IGSF1: variants seen among roughly 807,000 people sequenced by gnomAD.
IGSF1 encodes the protein immunoglobulin-like domain-containing protein 1.
A neutral mutation model predicts 95.3 loss-of-function variants in IGSF1; 40 were observed. The observed-to-expected ratio is 0.42, with a 90% CI of 0.33 to 0.55. The LOEUF (loss-of-function observed/expected upper bound fraction) is 0.55. Ranked by LOEUF, IGSF1 falls within the 20% of genes least tolerant of loss-of-function variation. The pLI is 0.10. For synonymous variants in IGSF1, 372 were observed against 382.9 expected, an observed-to-expected ratio of 0.97 and a Z score of 0.33; for missense variants, 906 against 1,025.4, an observed-to-expected ratio of 0.88 and a Z score of 1.59.
At chrX:131,281,624 TG>T in intron 8 of IGSF1, 41 bp downstream of exon 8, 2 of 1,172,906 alleles carry the variant, frequency 1.7e-6, no homozygotes, top group Non-Finnish European at 2.3e-6. Context: ...CTGGGATCCC[TG>T]GGGTATGGAG....
In IGSF1 at chrX:131,279,259, A is replaced by ACTTGTACTCACCACAG; in HGVS notation, c.1713_1717+11dup. The ACTTGTACTCACCACAG allele has an allele frequency of 8.3e-7, 1 of 1,208,922 alleles. No individual in the cohort carries two copies. Among genetic ancestry groups the ACTTGTACTCACCACAG allele is most frequent in the Non-Finnish European group, 1.1e-6 (1 of 893,879 alleles). On this transcript the variant is annotated intron_variant, in intron 10 of 19. Transcript: ENST00000361420. ...CCTTCTGCCCGGGGCCCCTTCCCCC[A>ACTTGTACTCACCACAG]CTTGTACTCACCACAGCAGAGAAGG...
In IGSF1 at chrX:131,278,630, C is replaced by A. The variant is rs1165068859; in HGVS notation, c.1872G>T (p.Leu624Phe). ...CGATCCACCCGGTCCCATCCTTCAG[C>A]AACACAAACTCCTTAGTTGAGCCAG... ...SPSGSTKEFV[L>F]LKDGTGWIAT... Residue 624 changes from leucine (L) to phenylalanine (F), a missense_variant, in exon 12 of 20, where the codon TTG (leucine) becomes TTT (phenylalanine). Physicochemically the swap from Leu to Phe is conservative, Grantham distance 22. This residue lies in a region of IGSF1 where 40 missense variants were observed against 33.4 expected (regional missense o/e 1.20). Transcript: ENST00000361420. 1 of 1,209,950 alleles carries A rather than the reference C, an allele frequency of 8.3e-7. No individual in the cohort carries two copies. The highest frequency in any genetic ancestry group is 1.7e-5 in the African/African-American group (1 of 57,194).
chrX:131,286,439 A>T lies in IGSF1; in HGVS notation c.95T>A (p.Ile32Lys). Reference sequence around the variant, plus strand: ...CTGAGAGGGCAGGACTCACTTACCTATTGATGTCATACCCAGACTCATCCC... The same window carrying T: ...CTGAGAGGGCAGGACTCACTTACCTTTTGATGTCATACCCAGACTCATCCC... ...CIRMSLGMTS[I>K]VMDPQPELWI... The change falls in exon 3 of 20, where the codon ATA (isoleucine) becomes AAA (lysine). Residue 32 changes from isoleucine (I) to lysine (K), a missense_variant and splice_region_variant. Ile to Lys is a moderately radical substitution (Grantham distance 102). Around this residue, in one of 5 missense-constraint regions of IGSF1, gnomAD observed 442 missense variants for 448.1 expected, o/e 0.99. Transcript: ENST00000361420. 8.3e-7 allele frequency: 1 copy of T among 1,198,616 alleles called. No homozygotes were observed. Among genetic ancestry groups the T allele is most frequent in the South Asian group, 1.8e-5 (1 of 56,652 alleles).
intron 5 of IGSF1, chrX:131,284,245 T>C (rs889656462): frequency 5.4e-5 from 13 of 239,484 alleles, no homozygotes; most frequent in African/African-American, 3.9e-4. Context: ...AACAACCCTG[T>C]GAGGTAGGCA....
At position 131,275,648 on chromosome X, in the gene IGSF1, T is replaced by C. The variant is rs2080464372; in HGVS notation, c.3014A>G (p.Glu1005Gly). Residue 1005 changes from glutamate to glycine, a missense_variant, in exon 16 of 20, where the codon GAA (glutamate) becomes GGA (glycine). By Grantham distance (98) the Glu-to-Gly change is moderately conservative (BLOSUM62 -2). Around this residue, in one of 5 missense-constraint regions of IGSF1, gnomAD observed 411 missense variants for 494.9 expected, o/e 0.83. Coordinates refer to ENST00000361420, the MANE Select transcript of IGSF1 (RefSeq NM_001555.5). ...VHGVGYILHK[E>G]GEATSMQLWG... ...GAGCTGCATTGAAGTGGCTTCTCCTTCTTTGTGCAGAATGTATCCTACTCC... is the reference window on the plus strand; with the variant it reads ...GAGCTGCATTGAAGTGGCTTCTCCTCCTTTGTGCAGAATGTATCCTACTCC... The C allele has an allele frequency of 3.3e-6, 4 of 1,209,605 alleles. No individual in the cohort carries two copies. The highest frequency in any genetic ancestry group is 4.5e-6 in the Non-Finnish European group (4 of 894,992).
Position 131,278,353 on chromosome X carries a change from C to T in IGSF1, c.2041+108G>A, listed in dbSNP as rs775810049. ...CTCCTCTCCTACATGCAGCACGAGC[C>T]CCTTGGGCTCCAGGGTCCCTGTGAG... On this transcript the variant is annotated intron_variant, in intron 12 of 19. Transcript: ENST00000361420. 7.6e-6 allele frequency: 6 copies of T among 789,768 alleles called. No individual in the cohort carries two copies. In the African/African-American group the frequency reaches 8.5e-5, roughly 11 times the overall value. The allele number at this position is 789,768 out of a possible 1,213,427, so 65.1% of individuals were successfully genotyped here.
chrX:131,279,704 G>C (rs1332087647), intron 9 of IGSF1, among the ~76,000 whole-genome samples: 2 of 110,946 alleles, frequency 1.8e-5, no homozygotes, highest in Non-Finnish European at 3.8e-5. Flanking sequence ...CATTGTGATC[G>C]GCAGCTCTGG....
rs753406789 is a variant in IGSF1 at position 131,275,416 on chromosome X, T to C, written c.3184+62A>G. On this transcript the variant is annotated intron_variant, in intron 16 of 19. Transcript: ENST00000361420. ...CGAGCTCTCTGAAAACTATCTCCCA[T>C]GAACTAGTCTATTCCCTCCTTTCTA... 1.9e-5 allele frequency: 22 copies of C among 1,150,381 alleles called. No individual in the cohort carries two copies. In the African/African-American group the frequency reaches 3.6e-4, roughly 19 times the overall value. 94.8% of individuals were successfully genotyped at this position (1,150,381 alleles called of 1,213,427 possible).
chrX:131,281,640 A>G, intron 8 of IGSF1, 26 bp downstream of exon 8: 1 of 1,193,067 alleles, frequency 8.4e-7, no homozygotes, highest in Admixed American at 2.2e-5. Flanking sequence ...ATGGAGGGGC[A>G]TTCCTCTGAA....
In IGSF1 at chrX:131,278,690, C is replaced by T. The variant is rs780114018; in HGVS notation, c.1812G>A (p.Pro604=). ...TGCACCAGAGGGTTAAGTTCTTCCA[C>T]GGGGCCAGAGGAAAGTTGGTCTCTG... is the stretch of plus-strand genomic sequence containing the variant. ...LWAETNFPLA[P]WKNLTLWCRS... The change falls in exon 12 of 20, where the codon CCG becomes CCA. Residue 604 remains proline, a synonymous_variant. Transcript: ENST00000361420. The T allele has an allele frequency of 1.1e-4, 138 of 1,209,347 alleles. No individual in the cohort carries two copies. Among genetic ancestry groups the T allele is most frequent in the Admixed American group, 7.9e-4 (36 of 45,852 alleles).
At chrX:131,281,022 T>C (rs1388030258) in intron 9 of IGSF1, 196 bp downstream of exon 9, 16 of 428,278 alleles carry the variant, frequency 3.7e-5, no homozygotes, top group Admixed American at 3.3e-4. Context: ...GAACTATGCA[T>C]TTCTCCACCC....
intron 2 of IGSF1, 23 bp downstream of exon 2, chrX:131,286,582 C>T: frequency 8.3e-7 from 1 of 1,199,120 alleles, no homozygotes; most frequent in Non-Finnish European, 1.1e-6. Flanking sequence ...GTCACTTGCC[C>T]CTCACCCCTT....
At chrX:131,280,262 AG>A (rs1259515212) in intron 9 of IGSF1, among the ~76,000 whole-genome samples, 2 of 111,299 alleles carry the variant, frequency 1.8e-5, no homozygotes, top group Non-Finnish European at 3.8e-5. Context: ...GAAAACTCAA[AG>A]GGTGGTGGTT....
intron 1 of IGSF1, among the ~76,000 whole-genome samples, chrX:131,288,439 G>A (rs1034348506): frequency 3.6e-5 from 4 of 111,116 alleles, no homozygotes; most frequent in Non-Finnish European, 7.5e-5. Context: ...TTACCCTGGG[G>A]CTTTGGGCCA....
Position 131,285,481 on chromosome X carries a change from T to C in IGSF1, c.380-15A>G, listed in dbSNP as rs1569406943. On this transcript the variant is annotated splice_polypyrimidine_tract_variant and intron_variant, in intron 4 of 19. Transcript: ENST00000361420. ...GGGCAGTTGGCCTGGAAGGATAGAA[T>C]GAACTGGAATTAGGTAAAGCAAGGA... 1.7e-6 allele frequency: 2 copies of C among 1,193,554 alleles called. No individual in the cohort carries two copies. Among genetic ancestry groups the C allele is most frequent in the East Asian group, 3.0e-5 (1 of 33,694 alleles).
At chrX:131,282,295 A>G in intron 7 of IGSF1, 149 bp downstream of exon 7, 1 of 468,503 alleles carries the variant, frequency 2.1e-6, no homozygotes, top group Non-Finnish European at 3.5e-6. Flanking sequence ...AAAGTTCTAC[A>G]CCACCTTCCT....
intron 19 of IGSF1, 33 bp from the exon 20 acceptor site, chrX:131,273,964 A>G (rs1569400187): frequency 8.3e-7 from 1 of 1,204,837 alleles, no homozygotes; most frequent in Admixed American, 2.2e-5. Context: ...GTAAGGGAGG[A>G]CCCAGAAACT....
At chrX:131,281,381 AG>A (rs757653667) in intron 8 of IGSF1, 43 bp from the exon 9 acceptor site, 76 of 1,199,544 alleles carry the variant, frequency 6.3e-5, no homozygotes, top group Non-Finnish European at 8.5e-5. Context: ...TGATGGGGAC[AG>A]GGGCAGGTGA....
chrX:131,279,578 G>A (rs1447915793), intron 9 of IGSF1, among the ~76,000 whole-genome samples: 2 of 85,795 alleles, frequency 2.3e-5, no homozygotes, highest in Non-Finnish European at 4.5e-5. Flanking sequence ...TCCCCACTCC[G>A]CAGCCTATAT....
Sources: allele counts gnomAD v4.1 joint callset (sites outside exome capture counted in the v4.1 genomes callset), GRCh38; gene constraint gnomAD v4.1.1; regional missense constraint gnomAD v4.1.1; transcripts MANE v1.5; gene names NCBI Gene and HGNC (gene_info 2026-07-23, HGNC 2026-07-21).